LEPR: variants seen among roughly 807,000 people sequenced by gnomAD.
LEPR encodes OB receptor.
Under a neutral mutation model 114.7 loss-of-function variants are expected in LEPR, and 56 were observed. That is an observed-to-expected ratio of 0.49 (90% CI 0.39 to 0.61). The LOEUF (loss-of-function observed/expected upper bound fraction) is 0.61, where lower values mean the gene tolerates loss of function less well. Ranked by LOEUF, LEPR falls within the 20% of genes least tolerant of loss-of-function variation. The probability of loss-of-function intolerance (pLI) is 0.00; values close to 1 mark genes in which losing one functional copy is unlikely to be tolerated. For synonymous variants in LEPR, 443 were observed against 461.4 expected (o/e 0.96, Z 0.51); for missense variants, 1,202 against 1,352.9 (o/e 0.89, Z 1.75).
chr1:65,570,749 T>A lies in LEPR; in HGVS notation c.317T>A (p.Ile106Asn), dbSNP rs767640426. The stretch of plus-strand genomic sequence containing the variant: ...AACTGCTCCTTATGTGCAGACAACA[T>A]TGAAGGAAAGACATTTGTTTCAACA... ...DRNCSLCADN[I>N]EGKTFVSTVN... Residue 106 changes from isoleucine to asparagine, a missense_variant, in exon 4 of 20, where the codon ATT becomes AAT. Ile to Asn is a moderately radical substitution (Grantham distance 149). Transcript: ENST00000349533. 2 of 1,589,832 alleles carry A rather than the reference T, an allele frequency of 1.3e-6. No homozygotes were observed. Among genetic ancestry groups the A allele is most frequent in the South Asian group, 2.3e-5 (2 of 87,262 alleles).
intron 2 of LEPR, among the ~76,000 whole-genome samples, chr1:65,505,013 T>G (rs1354615610): frequency 6.6e-6 from 1 of 152,212 alleles, no homozygotes; most frequent in Admixed American, 6.5e-5. Flanking sequence ...ACATCTCAAG[T>G]GCTGTCAACG....
intron 2 of LEPR, among the ~76,000 whole-genome samples, chr1:65,507,372 G>A (rs1008720296): frequency 6.0e-5 from 9 of 151,212 alleles, no homozygotes; most frequent in Non-Finnish European, 1.2e-4. Flanking sequence ...TTAACATAAT[G>A]CCCTCTAGGT....
At chr1:65,479,098 A>G (rs564235833) in intron 2 of LEPR, among the ~76,000 whole-genome samples, 2 of 152,216 alleles carry the variant, frequency 1.3e-5, no homozygotes, top group Admixed American at 1.3e-4. Flanking sequence ...AAGTGATGCT[A>G]CAGCTTCCAC....
rs1184289378 is a variant in LEPR at position 65,636,763 on chromosome 1, C to A, written c.3246C>A (p.Val1082=). 1.2e-6 allele frequency: 2 copies of A among 1,613,738 alleles called. No individual in the cohort carries two copies. Among genetic ancestry groups the A allele is most frequent in the Non-Finnish European group, 1.7e-6 (2 of 1,179,958 alleles). The part of the protein sequence containing the change: ...NDKKSIYYLG[V]TSIKKRESGV... ...AAAAGTCTATCTATTATTTAGGGGT[C>A]ACCTCAATCAAAAAGAGAGAGAGTG... The change falls in exon 20 of 20, where the codon GTC becomes GTA. Residue 1082 remains valine, a synonymous_variant. Transcript: ENST00000349533.
intron 2 of LEPR, chr1:65,525,505 CTG>C: frequency 2.2e-6 from 1 of 462,180 alleles, no homozygotes; most frequent in Non-Finnish European, 2.8e-6. Context: ...CCCCCGCCAC[CTG>C]CGCGACCGCC....
chr1:65,531,580 C>CT (rs1474635969), intron 2 of LEPR, among the ~76,000 whole-genome samples: 3 of 151,734 alleles, frequency 2.0e-5, no homozygotes. Flanking sequence ...GAATTTTGTC[C>CT]TGTTTTGCTC....
rs1646496950 is a variant in LEPR, at chr1:65,432,303, G to A, written c.-21+6925G>A. ...TCTCATGACCCAGGAAGGCCGGGGT[G>A]GATCCCTCTTTGTGTTGTAGTCCAT... On this transcript the variant is annotated intron_variant, in intron 2 of 19. Coordinates refer to ENST00000349533, the MANE Select transcript of LEPR (RefSeq NM_002303.6). 4.0e-6 allele frequency: 4 copies of A among 992,802 alleles called. No homozygotes were observed. In the South Asian group the frequency reaches 1.3e-4, roughly 33 times the overall value. 61.5% of individuals were successfully genotyped at this position (992,802 alleles called of 1,614,324 possible). A position where few individuals can be genotyped will look rare whatever the true frequency, so the allele number is the denominator to read the frequency against.
chr1:65,469,178 G>A (rs1233712605), intron 2 of LEPR, among the ~76,000 whole-genome samples: 1 of 152,190 alleles, frequency 6.6e-6, no homozygotes, highest in African/African-American at 2.4e-5. Flanking sequence ...GAGCTATGCT[G>A]AGTCCGGTGG....
chr1:65,558,639 G>A (rs1156859308), intron 2 of LEPR, among the ~76,000 whole-genome samples: 1 of 67,250 alleles, frequency 1.5e-5, no homozygotes, highest in Admixed American at 1.5e-4. Flanking sequence ...ATGCTGGTGC[G>A]CTGCACCCAC....
At chr1:65,460,357 C>G (rs1646929450) in intron 2 of LEPR, among the ~76,000 whole-genome samples, 1 of 152,100 alleles carries the variant, frequency 6.6e-6, no homozygotes, top group African/African-American at 2.4e-5. Flanking sequence ...CACCACCTCC[C>G]TGAGTGCTGG....
At chr1:65,629,233 A>ATT in intron 19 of LEPR, 22 of 259,198 alleles carry the variant, frequency 8.5e-5, no homozygotes, top group South Asian at 1.5e-4. Context: ...CTCCCCTGCT[A>ATT]TTTTTTTTTT....
chr1:65,565,542 C>T lies in LEPR; in HGVS notation c.-20-4C>T, dbSNP rs761498153. On this transcript the variant is annotated splice_polypyrimidine_tract_variant and splice_region_variant and intron_variant, in intron 2 of 19. Transcript: ENST00000349533. ...TGTTCTGATTTTAGATTTACCTTTT[C>T]CAGGTGTACTTCTCTGAAGTAAGAT... The T allele has an allele frequency of 1.2e-6, 2 of 1,613,376 alleles. No individual in the cohort carries two copies. Among genetic ancestry groups the T allele is most frequent in the African/African-American group, 2.7e-5 (2 of 74,826 alleles).
At chr1:65,629,870 A>G (rs992092150) in intron 19 of LEPR, among the ~76,000 whole-genome samples, 1 of 152,128 alleles carries the variant, frequency 6.6e-6, no homozygotes, top group East Asian at 1.9e-4. Flanking sequence ...CTCTAAAATT[A>G]CTATAAGCCA....
intron 6 of LEPR, among the ~76,000 whole-genome samples, chr1:65,594,489 G>A (rs975844370): frequency 5.9e-5 from 9 of 151,968 alleles, no homozygotes; most frequent in East Asian, 3.9e-4. Context: ...GGACAGAGGG[G>A]TATCAAGGAT....
chr1:65,496,041 G>C (rs191148254), intron 2 of LEPR, among the ~76,000 whole-genome samples: 6 of 152,256 alleles, frequency 3.9e-5, no homozygotes, highest in Admixed American at 3.9e-4. Flanking sequence ...AAAACAGTTA[G>C]AAGAGAGAAT....
At chr1:65,446,403 A>G (rs946862355) in intron 2 of LEPR, among the ~76,000 whole-genome samples, 1 of 152,224 alleles carries the variant, frequency 6.6e-6, no homozygotes, top group African/African-American at 2.4e-5. Context: ...CTAATACATT[A>G]TAATTAGTGT....
At chr1:65,606,313 A>G (rs1656805454) in intron 11 of LEPR, among the ~76,000 whole-genome samples, 1 of 152,196 alleles carries the variant, frequency 6.6e-6, no homozygotes, top group South Asian at 2.1e-4. Context: ...CACAGATAAT[A>G]ACACACTCAC....
chr1:65,510,985 C>A (rs78947634), intron 2 of LEPR, among the ~76,000 whole-genome samples: 1 of 152,068 alleles, frequency 6.6e-6, no homozygotes, highest in African/African-American at 2.4e-5. Flanking sequence ...TGCACCCCAC[C>A]CTGGGTGACA....
chr1:65,432,189 G>A, intron 2 of LEPR: 1 of 1,100,164 alleles, frequency 9.1e-7, no homozygotes. Context: ...TATTAACGCA[G>A]TCTTGTAGGC....
Sources: gnomAD v4.1 joint callset for allele counts (sites outside exome capture counted in the v4.1 genomes callset) on GRCh38, gnomAD v4.1.1 for gene constraint, MANE v1.5 for transcripts, NCBI Gene and HGNC (gene_info 2026-07-23, HGNC 2026-07-21) for gene names.